SHROOM4: variants seen among roughly 807,000 people sequenced by gnomAD.
The protein encoded by SHROOM4 is protein Shroom4.
In SHROOM4, 17 loss-of-function variants were observed where a neutral mutation model predicts 80.3. The observed-to-expected ratio is 0.21, with a 90% CI of 0.14 to 0.32. The LOEUF (loss-of-function observed/expected upper bound fraction) is 0.32. Ranked by LOEUF, SHROOM4 falls within the 10% of genes least tolerant of loss-of-function variation. The pLI, the probability that SHROOM4 is intolerant of heterozygous loss-of-function variation, is 1.00. For synonymous variants in SHROOM4, 400 were observed against 437.5 expected (o/e 0.91, Z 1.07); for missense variants, 993 against 1,140.3 (o/e 0.87, Z 1.86).
rs782299271 is a variant in SHROOM4, at chrX:50,774,262, AC to A, written c.117+39639del. 1.6e-4 allele frequency among the ~76,000 whole-genome samples: 18 copies of A among 111,526 alleles called. No individual in the cohort carries two copies. The East Asian group carries it at 5.1e-3, about 32-fold the overall frequency. On this transcript the variant is annotated intron_variant, in intron 1 of 8. Transcript: ENST00000376020. Reference sequence around the variant, plus strand: ...GGTTACAGAGTTCACACTGAAGAAGACACTCCAGCCTTTCTAGGGTCTCAGT... The same window carrying A: ...GGTTACAGAGTTCACACTGAAGAAGAACTCCAGCCTTTCTAGGGTCTCAGT...
chrX:50,598,167 C>G, intron 8 of SHROOM4, 99 bp downstream of exon 8: 1 of 1,090,542 alleles, frequency 9.2e-7, no homozygotes. Flanking sequence ...TAATCCCATG[C>G]TCTACTGTTT....
chrX:50,640,886 A>C (rs1458886359), intron 2 of SHROOM4, among the ~76,000 whole-genome samples: 1 of 112,372 alleles, frequency 8.9e-6, no homozygotes, highest in Non-Finnish European at 1.9e-5. Flanking sequence ...TGCTTTAGAC[A>C]GGTGACTTCA....
chrX:50,644,579 C>A (rs185368698), intron 2 of SHROOM4, among the ~76,000 whole-genome samples: 188 of 112,238 alleles, frequency 1.7e-3, no homozygotes, highest in Admixed American at 3.5e-3. Flanking sequence ...ATTAACACTC[C>A]CAATTCCCTA....
chrX:50,609,521 ACAT>A (rs1929852995), intron 5 of SHROOM4, among the ~76,000 whole-genome samples: 1 of 110,819 alleles, frequency 9.0e-6, no homozygotes, highest in Non-Finnish European at 1.9e-5. Context: ...ACCTATAAAA[ACAT>A]CATATACATA....
intron 1 of SHROOM4, among the ~76,000 whole-genome samples, chrX:50,802,704 G>C (rs1402305189): frequency 9.0e-6 from 1 of 111,575 alleles, no homozygotes; most frequent in African/African-American, 3.3e-5. Context: ...AGATGAGATC[G>C]GACAGGTTCA....
At chrX:50,653,972 C>T (rs1932213722) in intron 2 of SHROOM4, among the ~76,000 whole-genome samples, 1 of 111,743 alleles carries the variant, frequency 8.9e-6, no homozygotes, top group Non-Finnish European at 1.9e-5. Context: ...GTTTGAGAAC[C>T]ATTACTGTAG....
At chrX:50,597,520 A>C (rs1295086988) in intron 8 of SHROOM4, among the ~76,000 whole-genome samples, 1 of 111,884 alleles carries the variant, frequency 8.9e-6, no homozygotes, top group Non-Finnish European at 1.9e-5. Context: ...ACAGCTTTCC[A>C]ATCTCAAATA....
chrX:50,723,393 G>GGGGAGAGA (rs1557265631), intron 1 of SHROOM4, among the ~76,000 whole-genome samples: 1 of 54,481 alleles, frequency 1.8e-5, no homozygotes, highest in African/African-American at 6.6e-5. Flanking sequence ...AGCAAGGGAG[G>GGGGAGAGA]GAGAGAGAGA....
At chrX:50,606,790 G>A (rs1929691444) in intron 6 of SHROOM4, among the ~76,000 whole-genome samples, 1 of 110,219 alleles carries the variant, frequency 9.1e-6, no homozygotes, top group Admixed American at 9.6e-5. Context: ...GGGAGAAAGT[G>A]GAAGAGAAAA....
intron 2 of SHROOM4, among the ~76,000 whole-genome samples, chrX:50,689,047 A>G (rs781917019): frequency 5.4e-5 from 6 of 111,463 alleles, no homozygotes; most frequent in African/African-American, 2.0e-4. Flanking sequence ...AGATTAATGT[A>G]TTATATATTT....
intron 1 of SHROOM4, among the ~76,000 whole-genome samples, chrX:50,801,059 A>G (rs782076203): frequency 9.2e-6 from 1 of 108,715 alleles, no homozygotes; most frequent in Non-Finnish European, 1.9e-5. Context: ...AAGTTGGGTC[A>G]AGGGCTTGAA....
Position 50,635,272 on chromosome X carries a change from G to A in SHROOM4, c.801C>T (p.Ala267=). The A allele has an allele frequency of 8.3e-7, 1 of 1,200,679 alleles. No homozygotes were observed. The highest frequency in any genetic ancestry group is 2.3e-4 in the Middle Eastern group (1 of 4,334). Reference sequence around the variant, plus strand: ...GTTGTGGTGGGCCCCTGACTGCTTTGGCGGGCCCTGACTGGTATCCCTCCT... The same window carrying A: ...GTTGTGGTGGGCCCCTGACTGCTTTAGCGGGCCCTGACTGGTATCCCTCCT... ...RPQEGYQSGP[A]KAVRGPPQPP... Residue 267 remains alanine (A), a synonymous_variant, in exon 4 of 9, where the codon GCC becomes GCT. Coordinates refer to ENST00000376020, the MANE Select transcript of SHROOM4 (RefSeq NM_020717.5).
At chrX:50,811,485 C>A (rs1433765888) in intron 1 of SHROOM4, among the ~76,000 whole-genome samples, 4 of 111,326 alleles carry the variant, frequency 3.6e-5, no homozygotes, top group Non-Finnish European at 5.7e-5. Context: ...TTTAATCTGC[C>A]AACCCAATTA....
At chrX:50,730,255 C>T (rs1934338392) in intron 1 of SHROOM4, among the ~76,000 whole-genome samples, 1 of 109,566 alleles carries the variant, frequency 9.1e-6, no homozygotes. Context: ...TGGAGAAACC[C>T]CATCTCTACT....
chrX:50,633,733 A>C lies in SHROOM4; in HGVS notation c.2340T>G (p.Ser780Arg). Residue 780 changes from serine to arginine, a missense_variant, in exon 4 of 9, where the codon AGT becomes AGG. Coordinates refer to ENST00000376020, the MANE Select transcript of SHROOM4 (RefSeq NM_020717.5). The part of the protein sequence containing the change: ...FADRRKFFEE[S>R]SKSLSTSHLP... Reference sequence around the variant, plus strand: ...AATGAGATGTAGATAAGGATTTGCTACTCTCTTCAAAGAACTTTCTTCTGT... The same window carrying C: ...AATGAGATGTAGATAAGGATTTGCTCCTCTCTTCAAAGAACTTTCTTCTGT... The C allele has an allele frequency of 8.3e-7, 1 of 1,211,535 alleles. No homozygotes were observed. Among genetic ancestry groups the C allele is most frequent in the Non-Finnish European group, 1.1e-6 (1 of 895,427 alleles).
chrX:50,663,202 C>T (rs782365649), intron 2 of SHROOM4, among the ~76,000 whole-genome samples: 2 of 111,787 alleles, frequency 1.8e-5, no homozygotes, highest in African/African-American at 6.5e-5. Context: ...TCACCCCAAA[C>T]TAAAAACAAC....
intron 1 of SHROOM4, among the ~76,000 whole-genome samples, chrX:50,792,421 G>A (rs960334942): frequency 1.7e-4 from 19 of 109,711 alleles, no homozygotes; most frequent in Middle Eastern, 4.7e-3. Flanking sequence ...CAGGAGAATC[G>A]CTTGAACCCG....
At chrX:50,699,800 C>T (rs1281397466) in intron 1 of SHROOM4, among the ~76,000 whole-genome samples, 4 of 112,500 alleles carry the variant, frequency 3.6e-5, no homozygotes. Context: ...ATTGACTTAA[C>T]AGCACTTGCT....
rs1464120705 is a variant in SHROOM4 at position 50,607,311 on chromosome X, T to C, written c.3761+70A>G. 13 of 1,127,780 alleles carry C rather than the reference T, an allele frequency of 1.2e-5. No individual in the cohort carries two copies. The East Asian group carries it at 1.5e-4, about 13-fold the overall frequency. 92.9% of individuals were successfully genotyped at this position (1,127,780 alleles called of 1,213,427 possible). A position where few individuals can be genotyped will look rare whatever the true frequency, so the allele number is the denominator to read the frequency against. ...AGCCTGAGGTCATCCAGTTAGTAAA[T>C]AGTGGAGGTAAAATTCAAACTTGTG... On this transcript the variant is annotated intron_variant, in intron 6 of 8. Coordinates refer to ENST00000376020, the MANE Select transcript of SHROOM4 (RefSeq NM_020717.5).
Sources: gnomAD v4.1 joint callset for allele counts (sites outside exome capture counted in the v4.1 genomes callset) on GRCh38, gnomAD v4.1.1 for gene constraint, MANE v1.5 for transcripts, NCBI Gene and HGNC (gene_info 2026-07-23, HGNC 2026-07-21) for gene names.